Variants in JMJD1C observed in about 807,000 individuals in gnomAD.
JMJD1C encodes the protein jumonji domain containing 1C, also known as jumonji domain-containing protein 1C.
In JMJD1C, 31 loss-of-function variants were observed where a neutral mutation model predicts 245.3. The ratio of observed to expected loss-of-function variants is 0.13; its 90% CI spans 0.09 to 0.17. The LOEUF (loss-of-function observed/expected upper bound fraction) is 0.17, where lower values mean the gene tolerates loss of function less well. Among genes scored for constraint, JMJD1C ranks in the 10% least tolerant of loss-of-function variants. The pLI is 1.00. For synonymous variants in JMJD1C, 1,057 were observed against 1,017.4 expected, an observed-to-expected ratio of 1.04 and a Z score of -0.74; for missense variants, 2,691 against 3,000.2, an observed-to-expected ratio of 0.90 and a Z score of 2.41.
intron 16 of JMJD1C, 150 bp downstream of exon 16, chr10:63,192,788 T>C (rs1257320272): frequency 3.1e-6 from 2 of 648,044 alleles, no homozygotes; most frequent in African/African-American, 3.7e-5. Flanking sequence ...AGACAAAATG[T>C]TTTACATTGA....
chr10:63,435,936 G>C (rs1951037153), intron 1 of JMJD1C, among the ~76,000 whole-genome samples: 1 of 151,978 alleles, frequency 6.6e-6, no homozygotes, highest in Non-Finnish European at 1.5e-5. Flanking sequence ...CAAAATACTT[G>C]AGTACCCTCT....
At chr10:63,302,499 T>G (rs1335487601) in intron 2 of JMJD1C, among the ~76,000 whole-genome samples, 1 of 152,244 alleles carries the variant, frequency 6.6e-6, no homozygotes, top group South Asian at 2.1e-4. Flanking sequence ...AGCTTTATCT[T>G]GCATGAGAAC....
At chr10:63,349,717 T>C (rs1199340390) in intron 2 of JMJD1C, among the ~76,000 whole-genome samples, 1 of 152,072 alleles carries the variant, frequency 6.6e-6, no homozygotes, top group African/African-American at 2.4e-5. Flanking sequence ...GCTTCATAGG[T>C]GGGGGAAAAG....
chr10:63,257,847 A>G (rs1854170237), intron 3 of JMJD1C, among the ~76,000 whole-genome samples: 1 of 152,228 alleles, frequency 6.6e-6, no homozygotes, highest in South Asian at 2.1e-4. Flanking sequence ...GAAGAAAAAA[A>G]CACTACTACA....
Position 63,338,567 on chromosome 10 carries a change from T to C in JMJD1C, c.333+41751A>G, listed in dbSNP as rs146590872. 3.0e-3 allele frequency among the ~76,000 whole-genome samples: 461 copies of C among 152,126 alleles called. 4 individuals carry two copies. The highest frequency in any genetic ancestry group is 0.01 in the African/African-American group (429 of 41,500). ...CATCATTTCAAGGAAGCTTAAGGGC[T>C]GACTACACATGCTACATTAGCCACT... On this transcript the variant is annotated intron_variant, in intron 2 of 25. Coordinates refer to ENST00000399262, the MANE Select transcript of JMJD1C (RefSeq NM_032776.3).
chr10:63,277,731 C>CTTTCTTTT (rs1856944082), intron 2 of JMJD1C, among the ~76,000 whole-genome samples: 1 of 64,262 alleles, frequency 1.6e-5, no homozygotes, highest in Non-Finnish European at 2.6e-5. Flanking sequence ...ATTTGCATTT[C>CTTTCTTTT]TTTTTTTTTT....
intron 2 of JMJD1C, among the ~76,000 whole-genome samples, chr10:63,349,631 G>A (rs550823572): frequency 1.3e-5 from 2 of 152,196 alleles, no homozygotes; most frequent in South Asian, 4.1e-4. Context: ...TGCAACCAAT[G>A]GAATCCTTGA....
intron 1 of JMJD1C, among the ~76,000 whole-genome samples, chr10:63,392,915 C>G (rs993309880): frequency 5.0e-5 from 7 of 139,106 alleles, no homozygotes; most frequent in African/African-American, 1.9e-4. Context: ...CACACGTGAG[C>G]AAAGGACATA....
At chr10:63,230,915 T>C (rs972129498) in intron 3 of JMJD1C, among the ~76,000 whole-genome samples, 2 of 152,160 alleles carry the variant, frequency 1.3e-5, no homozygotes, top group East Asian at 3.8e-4. Flanking sequence ...CTAACATAAT[T>C]CTGAGTCTGT....
upstream of JMJD1C, among the ~76,000 whole-genome samples, chr10:63,470,138 T>A (rs566118984): frequency 2.6e-5 from 4 of 152,136 alleles, no homozygotes; most frequent in Non-Finnish European, 4.4e-5. Context: ...CACCATTTAT[T>A]GTGTAATTGA....
intron 2 of JMJD1C, among the ~76,000 whole-genome samples, chr10:63,314,687 G>C (rs1354356010): frequency 6.7e-6 from 1 of 148,668 alleles, no homozygotes; most frequent in African/African-American, 2.5e-5. Flanking sequence ...TCACTCTATC[G>C]CCCAGGCTGG....
Position 63,213,930 on chromosome 10 carries a change from C to T in JMJD1C, c.2237G>A (p.Arg746Lys). The T allele has an allele frequency of 6.2e-7, 1 of 1,614,024 alleles. No individual in the cohort carries two copies. The highest frequency in any genetic ancestry group is 8.5e-7 in the Non-Finnish European group (1 of 1,179,976). The change falls in exon 8 of 26, where the codon AGA becomes AAA. Residue 746 changes from arginine (R) to lysine (K), a missense_variant. This residue lies in a region of JMJD1C where 1,562 missense variants were observed against 1,490.7 expected (regional missense o/e 1.05). Transcript: ENST00000399262. Reference protein sequence around the residue: ...HPFPLHSSSHRTCLNPGTHHP... With the variant: ...HPFPLHSSSHKTCLNPGTHHP... The stretch of plus-strand genomic sequence containing the variant: ...ATGGGTACCTGGATTTAAACAGGTT[C>T]TATGAGATGAGGAGTGAAGAGGAAA...
intron 2 of JMJD1C, among the ~76,000 whole-genome samples, chr10:63,274,673 A>C (rs1056090560): frequency 1.3e-5 from 2 of 152,176 alleles, no homozygotes; most frequent in Non-Finnish European, 2.9e-5. Context: ...TATGATTTCT[A>C]CAAGGATTTC....
chr10:63,419,835 A>T lies in JMJD1C; in HGVS notation c.169-39353T>A, dbSNP rs12246923. 6.9e-3 allele frequency among the ~76,000 whole-genome samples: 70 copies of T among 10,092 alleles called. 1 individual carries two copies. Among genetic ancestry groups the T allele is most frequent in the Middle Eastern group, 0.062 (1 of 16 alleles). The allele number at this position is 10,092 out of a possible 152,430, so 6.6% of individuals were successfully genotyped here. On this transcript the variant is annotated intron_variant, in intron 1 of 25. Transcript: ENST00000399262. The stretch of plus-strand genomic sequence containing the variant: ...AAGAAATACAAATCCTCCATGAAAT[A>T]AAAAAAAAAAAAAAAAAAAAGGCCA...
intron 1 of JMJD1C, among the ~76,000 whole-genome samples, chr10:63,501,542 C>G (rs1332593522): frequency 6.6e-6 from 1 of 152,094 alleles, no homozygotes; most frequent in Non-Finnish European, 1.5e-5. Context: ...CTTTGGGAGG[C>G]CGAGGAGGGT....
At chr10:63,169,466 CT>C (rs1300474739) in intron 24 of JMJD1C, among the ~76,000 whole-genome samples, 1 of 151,966 alleles carries the variant, frequency 6.6e-6, no homozygotes, top group African/African-American at 2.4e-5. Flanking sequence ...TAAAGTTACT[CT>C]AAGTATGCAA....
At chr10:63,281,457 CCTTT>C (rs1857381580) in intron 2 of JMJD1C, among the ~76,000 whole-genome samples, 3 of 107,834 alleles carry the variant, frequency 2.8e-5, no homozygotes, top group Admixed American at 1.1e-4. Flanking sequence ...CTGCGCCTGG[CCTTT>C]TTTTTTTTTT....
At chr10:63,381,758 A>AC (rs1947236522) in intron 1 of JMJD1C, among the ~76,000 whole-genome samples, 5 of 152,148 alleles carry the variant, frequency 3.3e-5, no homozygotes, top group Admixed American at 3.3e-4. Flanking sequence ...ATCAGATTAT[A>AC]CCCCTTAGTT....
chr10:63,413,865 G>C (rs1187391343), intron 1 of JMJD1C, among the ~76,000 whole-genome samples: 1 of 151,964 alleles, frequency 6.6e-6, no homozygotes. Context: ...AAGATAAAAG[G>C]TTCCTTGATT....
Sources: gnomAD v4.1 joint callset for allele counts (sites outside exome capture counted in the v4.1 genomes callset) on GRCh38, gnomAD v4.1.1 for gene constraint, gnomAD v4.1.1 regional missense constraint, MANE v1.5 for transcripts, NCBI Gene and HGNC (gene_info 2026-07-23, HGNC 2026-07-21) for gene names.